KLF12: variants seen among roughly 807,000 people sequenced by gnomAD.
KLF12 encodes Krueppel-like factor 12.
Under a neutral mutation model 37.8 loss-of-function variants are expected in KLF12, and 9 were observed. That is an observed-to-expected ratio of 0.24 (90% confidence interval 0.14 to 0.42). KLF12 has a LOEUF of 0.42. Among genes scored for constraint, KLF12 ranks in the 10% least tolerant of loss-of-function variants. The pLI, the probability that KLF12 is intolerant of heterozygous loss-of-function variation, is 1.00. For missense variants in KLF12, 411 were observed against 516.0 expected (o/e 0.80, Z 1.97); for synonymous variants, 208 against 202.1 (o/e 1.03, Z -0.25).
At chr13:73,906,205 A>G (rs1888285685) in intron 3 of KLF12, among the ~76,000 whole-genome samples, 1 of 152,136 alleles carries the variant, frequency 6.6e-6, no homozygotes, top group Admixed American at 6.5e-5. Context: ...TAATATTCAT[A>G]TTTTTGTTTA....
At chr13:73,897,431 G>A (rs1363907746) in intron 3 of KLF12, among the ~76,000 whole-genome samples, 1 of 152,066 alleles carries the variant, frequency 6.6e-6, no homozygotes, top group African/African-American at 2.4e-5. Flanking sequence ...ATCCCACTCA[G>A]GTGGAACTAA....
At chr13:73,782,357 CCTAA>C (rs1473454733) in intron 5 of KLF12, among the ~76,000 whole-genome samples, 1 of 152,110 alleles carries the variant, frequency 6.6e-6, no homozygotes, top group Non-Finnish European at 1.5e-5. Context: ...ATGTCTTGTG[CCTAA>C]CTTTCTCCTA....
At chr13:73,952,721 G>A (rs1244428525) in intron 2 of KLF12, among the ~76,000 whole-genome samples, 1 of 152,204 alleles carries the variant, frequency 6.6e-6, no homozygotes, top group East Asian at 1.9e-4. Flanking sequence ...AAAAGTGTAT[G>A]GGCATCACAT....
At chr13:74,069,269 G>C (rs1267289199) in intron 1 of KLF12, among the ~76,000 whole-genome samples, 2 of 152,178 alleles carry the variant, frequency 1.3e-5, no homozygotes, top group Non-Finnish European at 2.9e-5. Flanking sequence ...TTTCCTATAG[G>C]TGGTTCCACA....
At chr13:74,227,324 T>C in the KLF12 span, among the ~76,000 whole-genome samples, 1,789 of 152,252 alleles carry the variant, frequency 0.012, 44 homozygotes, top group African/African-American at 0.041. Flanking sequence ...ACATTTTGCC[T>C]TCAATGAGTG....
intron 3 of KLF12, among the ~76,000 whole-genome samples, chr13:73,851,818 C>G (rs1401540542): frequency 6.6e-6 from 1 of 152,180 alleles, no homozygotes; most frequent in Non-Finnish European, 1.5e-5. Flanking sequence ...AAATCTATGA[C>G]TCCACATCCT....
chr13:73,869,476 T>G (rs1010685510), intron 3 of KLF12, among the ~76,000 whole-genome samples: 2 of 152,142 alleles, frequency 1.3e-5, no homozygotes, highest in African/African-American at 4.8e-5. Flanking sequence ...CATTGTAAAT[T>G]CCAACAAGTA....
chr13:74,257,110 C>T, the KLF12 span: 1 of 152,194 alleles, frequency 6.6e-6, no homozygotes, highest in Non-Finnish European at 1.5e-5. Context: ...GTTATAGAGC[C>T]TAGGCTGGAG....
chr13:74,038,556 T>C (rs889152911), intron 1 of KLF12, among the ~76,000 whole-genome samples: 2 of 152,184 alleles, frequency 1.3e-5, no homozygotes, highest in Non-Finnish European at 2.9e-5. Context: ...ATATATATTA[T>C]AGTCCAGCTC....
chr13:74,101,654 G>A (rs1280672123), intron 1 of KLF12, among the ~76,000 whole-genome samples: 2 of 152,100 alleles, frequency 1.3e-5, no homozygotes, highest in Non-Finnish European at 2.9e-5. Context: ...GACTAATCAG[G>A]ATGTGTCTAA....
intron 3 of KLF12, among the ~76,000 whole-genome samples, chr13:73,898,152 A>G (rs1452792132): frequency 1.3e-5 from 2 of 152,158 alleles, no homozygotes; most frequent in African/African-American, 4.8e-5. Context: ...TGAAGTATTC[A>G]GCCCTTCTTA....
intron 3 of KLF12, among the ~76,000 whole-genome samples, chr13:73,890,585 T>C (rs954893818): frequency 2.0e-5 from 3 of 152,114 alleles, no homozygotes; most frequent in African/African-American, 7.2e-5. Flanking sequence ...TTTTACTATG[T>C]TGTTAAAGTT....
At chr13:74,087,882 G>A (rs1176173934) in intron 1 of KLF12, among the ~76,000 whole-genome samples, 4 of 152,026 alleles carry the variant, frequency 2.6e-5, no homozygotes, top group East Asian at 1.9e-4. Context: ...CCCAACTGAT[G>A]TACACACAGT....
chr13:74,192,621 A>G, the KLF12 span, among the ~76,000 whole-genome samples: 2 of 152,226 alleles, frequency 1.3e-5, no homozygotes, highest in Non-Finnish European at 2.9e-5. Context: ...TTATATTTCA[A>G]TAGTTTGACA....
At chr13:73,811,925 C>G (rs1164371143) in intron 5 of KLF12, among the ~76,000 whole-genome samples, 2 of 152,126 alleles carry the variant, frequency 1.3e-5, no homozygotes, top group Non-Finnish European at 2.9e-5. Context: ...CCAAGGCTCT[C>G]TTTTCTTTGT....
At chr13:74,060,500 G>GTGTGTGTGCGTC (rs1555336671) in intron 1 of KLF12, among the ~76,000 whole-genome samples, 5 of 149,112 alleles carry the variant, frequency 3.4e-5, no homozygotes, top group African/African-American at 1.2e-4. Flanking sequence ...GTGTGTGTGT[G>GTGTGTGTGCGTC]TGTGTGTGTG....
rs548228309 is a variant in KLF12, at chr13:73,896,095, G to C, written c.123+47886C>G. Among the ~76,000 whole-genome samples, 7 of 152,186 alleles carry C rather than the reference G, an allele frequency of 4.6e-5. No individual in the cohort carries two copies. The South Asian group carries it at 1.5e-3, about 32-fold the overall frequency. Reference sequence around the variant, plus strand: ...CTTGGCCTCCTAAAGTTCTGGGATAGAAATCACCACAGAATTCTATAAATG... The same window carrying C: ...CTTGGCCTCCTAAAGTTCTGGGATACAAATCACCACAGAATTCTATAAATG... On this transcript the variant is annotated intron_variant, in intron 3 of 7. Transcript: ENST00000377669.
At chr13:74,112,204 C>CTGTGTGTGTGTGCGTCTG (rs1555272944) in intron 1 of KLF12, among the ~76,000 whole-genome samples, 1 of 149,378 alleles carries the variant, frequency 6.7e-6, no homozygotes, top group East Asian at 2.0e-4. Context: ...GTGTGTGCAT[C>CTGTGTGTGTGTGCGTCTG]TGTGTGTGTG....
At chr13:73,782,280 T>C (rs1167152433) in intron 5 of KLF12, among the ~76,000 whole-genome samples, 1 of 152,192 alleles carries the variant, frequency 6.6e-6, no homozygotes, top group Non-Finnish European at 1.5e-5. Flanking sequence ...AAGTCTCAGC[T>C]TGATGATCTT....
Sources: allele counts gnomAD v4.1 joint callset (sites outside exome capture counted in the v4.1 genomes callset), GRCh38; gene constraint gnomAD v4.1.1; transcripts MANE v1.5; gene names NCBI Gene and HGNC (gene_info 2026-07-23, HGNC 2026-07-21).